SLC41A2: variants seen among roughly 807,000 people sequenced by gnomAD.
SLC41A2 encodes SLC41A1-like 1.
A neutral mutation model predicts 58.3 loss-of-function variants in SLC41A2; 32 were observed. That is an observed-to-expected ratio of 0.55 (90% CI 0.41 to 0.74). The LOEUF is 0.74. SLC41A2 is among the 30% of genes least tolerant of loss of function. The probability of loss-of-function intolerance (pLI) is 0.00; values close to 1 mark genes in which losing one functional copy is unlikely to be tolerated. For synonymous variants in SLC41A2, 190 were observed against 235.0 expected (o/e 0.81, Z 1.75); for missense variants, 514 against 680.6 (o/e 0.76, Z 2.72).
In SLC41A2 at chr12:104,805,082, T is replaced by G. The variant is rs2040843246; in HGVS notation, c.*70A>C. 1 of 1,339,272 alleles carries G rather than the reference T, an allele frequency of 7.5e-7. No individual in the cohort carries two copies. The highest frequency in any genetic ancestry group is 1.5e-5 in the African/African-American group (1 of 67,392). 83.0% of individuals were successfully genotyped at this position (1,339,272 alleles called of 1,614,324 possible). A position where few individuals can be genotyped will look rare whatever the true frequency, so the allele number is the denominator to read the frequency against. ...AGTCAAACTACTGATTTAAGAGTTT[T>G]GAAAAAGAGCCATAAGTGGTTGTCG... is the stretch of plus-strand genomic sequence containing the variant. On this transcript the variant is annotated 3_prime_UTR_variant, in exon 11 of 11. Transcript: ENST00000258538.
intron 6 of SLC41A2, among the ~76,000 whole-genome samples, chr12:104,875,133 A>G (rs1423904827): frequency 6.6e-6 from 1 of 152,198 alleles, no homozygotes; most frequent in African/African-American, 2.4e-5. Flanking sequence ...GTTAAACCAT[A>G]CTTGCATCCC....
chr12:104,838,108 G>A (rs1357821241), intron 10 of SLC41A2, among the ~76,000 whole-genome samples: 1 of 152,132 alleles, frequency 6.6e-6, no homozygotes, highest in Admixed American at 6.5e-5. Flanking sequence ...TAATAACACT[G>A]AATCATGTGA....
intron 10 of SLC41A2, among the ~76,000 whole-genome samples, chr12:104,813,454 C>T (rs902540683): frequency 5.3e-5 from 8 of 152,036 alleles, no homozygotes; most frequent in Non-Finnish European, 1.0e-4. Context: ...AACTAGAAGT[C>T]AATAGATAAT....
intron 4 of SLC41A2, 69 bp from the exon 5 acceptor site, chr12:104,889,246 T>A: frequency 2.1e-6 from 3 of 1,449,910 alleles, no homozygotes; most frequent in African/African-American, 1.5e-5. Flanking sequence ...TTTGATTATG[T>A]AAATATTACT....
At chr12:104,853,911 A>ATTATTATTAT in intron 8 of SLC41A2, among the ~76,000 whole-genome samples, 13 of 59,490 alleles carry the variant, frequency 2.2e-4, no homozygotes, top group Non-Finnish European at 3.8e-4. Context: ...TGCCTGGCTG[A>ATTATTATTAT]TTTTTTTTTT....
chr12:104,828,113 T>C (rs2041911457), intron 10 of SLC41A2, among the ~76,000 whole-genome samples: 1 of 152,136 alleles, frequency 6.6e-6, no homozygotes, highest in Non-Finnish European at 1.5e-5. Context: ...CACAAGCAAC[T>C]GGACGTCAAG....
intron 3 of SLC41A2, among the ~76,000 whole-genome samples, chr12:104,906,621 A>C (rs149928059): frequency 0.013 from 2,043 of 152,262 alleles, 14 homozygotes; most frequent in Middle Eastern, 0.02. Flanking sequence ...AAAATATTTA[A>C]GTGTGTAAGT....
chr12:104,856,263 T>C (rs1195968181), intron 8 of SLC41A2, among the ~76,000 whole-genome samples: 2 of 151,876 alleles, frequency 1.3e-5, no homozygotes, highest in Non-Finnish European at 1.5e-5. Flanking sequence ...TGAAGGAAAA[T>C]GAAAAAGAAT....
intron 3 of SLC41A2, among the ~76,000 whole-genome samples, chr12:104,895,548 A>T (rs187677703): frequency 0.016 from 2,491 of 152,106 alleles, 62 homozygotes; most frequent in African/African-American, 0.045. Context: ...GAGAAAAAAA[A>T]TTTTTTTTAC....
Position 104,804,575 on chromosome 12 carries a change from C to G in SLC41A2, c.*577G>C, listed in dbSNP as rs962119596. 6.6e-6 allele frequency: 1 copy of G among 152,326 alleles called. No homozygotes were observed. The highest frequency in any genetic ancestry group is 2.1e-4 in the South Asian group (1 of 4,832). 9.4% of individuals were successfully genotyped at this position (152,326 alleles called of 1,614,324 possible). ...AGCTGAAATTGAATTGGCATCAGAA[C>G]AGGATAATTTTAGATGGAGGTAAAA... is the stretch of plus-strand genomic sequence containing the variant. On this transcript the variant is annotated 3_prime_UTR_variant, in exon 11 of 11. Transcript: ENST00000258538.
intron 3 of SLC41A2, 130 bp downstream of exon 3, chr12:104,909,525 A>G: frequency 1.6e-6 from 1 of 633,126 alleles, no homozygotes; most frequent in Non-Finnish European, 2.7e-6. Flanking sequence ...GATATCAGGC[A>G]TAACTACTTA....
intron 10 of SLC41A2, among the ~76,000 whole-genome samples, chr12:104,805,592 T>C (rs1056342213): frequency 8.5e-5 from 13 of 152,222 alleles, no homozygotes; most frequent in Admixed American, 2.0e-4. Flanking sequence ...CCAATAGCCA[T>C]AATAATTTGG....
rs184031703 is a variant in SLC41A2, at chr12:104,909,606, G to C, written c.663+49C>G. On this transcript the variant is annotated intron_variant, in intron 3 of 10. Coordinates refer to ENST00000258538, the MANE Select transcript of SLC41A2 (RefSeq NM_001352171.3). ...CCTGATACAAGTTCCCCTTAACAGA[G>C]AGAAACAGGATAGGTAATACACATA... is the stretch of plus-strand genomic sequence containing the variant. 126 of 1,262,888 alleles carry C rather than the reference G, an allele frequency of 1.0e-4. No individual in the cohort carries two copies. In the African/African-American group the frequency reaches 1.4e-3, roughly 14 times the overall value. 78.2% of individuals were successfully genotyped at this position (1,262,888 alleles called of 1,614,324 possible).
intron 10 of SLC41A2, among the ~76,000 whole-genome samples, chr12:104,811,469 A>G (rs1481594243): frequency 2.0e-5 from 3 of 152,232 alleles, no homozygotes; most frequent in Non-Finnish European, 4.4e-5. Flanking sequence ...TAGCAATAGT[A>G]TAATAAATAG....
rs1436906524 is a variant in SLC41A2, at chr12:104,804,995, C to T, written c.*157G>A. The T allele has an allele frequency of 1.7e-6, 1 of 574,434 alleles. No individual in the cohort carries two copies. Among genetic ancestry groups the T allele is most frequent in the East Asian group, 2.9e-5 (1 of 34,728 alleles). 35.6% of individuals were successfully genotyped at this position (574,434 alleles called of 1,614,324 possible). A position where few individuals can be genotyped will look rare whatever the true frequency, so the allele number is the denominator to read the frequency against. ...CTTCATTCTGGTTTTGACACAAATT[C>T]CTTAAAAAAAAATTAAGGCCATTTA... is the stretch of plus-strand genomic sequence containing the variant. On this transcript the variant is annotated 3_prime_UTR_variant, in exon 11 of 11. Coordinates refer to ENST00000258538, the MANE Select transcript of SLC41A2 (RefSeq NM_001352171.3).
At chr12:104,810,074 G>A (rs891162790) in intron 10 of SLC41A2, among the ~76,000 whole-genome samples, 3 of 152,160 alleles carry the variant, frequency 2.0e-5, no homozygotes, top group Non-Finnish European at 2.9e-5. Flanking sequence ...CCTGGGCAAG[G>A]AGGGTAGGAG....
intron 10 of SLC41A2, among the ~76,000 whole-genome samples, chr12:104,832,634 T>C (rs1331652878): frequency 1.3e-5 from 2 of 152,164 alleles, no homozygotes; most frequent in Non-Finnish European, 2.9e-5. Flanking sequence ...TAGCTATAGA[T>C]AATACAATGG....
intron 2 of SLC41A2, among the ~76,000 whole-genome samples, chr12:104,922,896 A>C (rs1220325889): frequency 6.6e-6 from 1 of 152,184 alleles, no homozygotes. Flanking sequence ...ACACAAACAC[A>C]TAGAAATTAA....
At chr12:104,859,268 C>A (rs1268286076) in intron 8 of SLC41A2, among the ~76,000 whole-genome samples, 6 of 152,076 alleles carry the variant, frequency 3.9e-5, no homozygotes, top group East Asian at 1.9e-4. Context: ...GGGAAAAAAA[C>A]CACTGTTAAA....
Sources: gnomAD v4.1 joint callset for allele counts (sites outside exome capture counted in the v4.1 genomes callset) on GRCh38, gnomAD v4.1.1 for gene constraint, MANE v1.5 for transcripts, NCBI Gene and HGNC (gene_info 2026-07-23, HGNC 2026-07-21) for gene names.